Variants in LNX1 observed in about 807,000 individuals in gnomAD.
The protein encoded by LNX1 is ligand of numb-protein X 1, also known as E3 ubiquitin-protein ligase LNX.
A neutral mutation model predicts 68.4 loss-of-function variants in LNX1; 54 were observed. The observed-to-expected ratio is 0.79, with a 90% CI of 0.63 to 0.99. LNX1 has a LOEUF of 0.99. Ranked by LOEUF, LNX1 falls within the 50% of genes least tolerant of loss-of-function variation. LNX1 has a pLI of 0.00. For synonymous variants in LNX1, 336 were observed against 350.0 expected, an observed-to-expected ratio of 0.96 and a Z score of 0.45; for missense variants, 906 against 926.4, an observed-to-expected ratio of 0.98 and a Z score of 0.29.
At chr4:53,634,640 G>A (rs1300444791) in intron 1 of LNX1, among the ~76,000 whole-genome samples, 1 of 151,878 alleles carries the variant, frequency 6.6e-6, no homozygotes, top group Non-Finnish European at 1.5e-5. Flanking sequence ...TGGGGAATTG[G>A]CCAACCTACT....
At chr4:53,583,136 T>C (rs1731939437) in intron 1 of LNX1, among the ~76,000 whole-genome samples, 1 of 152,338 alleles carries the variant, frequency 6.6e-6, no homozygotes, top group South Asian at 2.1e-4. Context: ...GGATCGATAA[T>C]GTGCCATCAA....
rs1180752262 is a variant in LNX1 at position 53,460,076 on chromosome 4, TGTA to T, written c.*828_*830del. 2.0e-5 allele frequency: 4 copies of T among 199,452 alleles called. No individual in the cohort carries two copies. The East Asian group carries it at 3.1e-4, about 15-fold the overall frequency. 12.4% of individuals were successfully genotyped at this position (199,452 alleles called of 1,614,324 possible). ...AAATAAATTAATTAATTACCCATAG[TGTA>T]GTTTCTAGGAGGCATGTGTACACAC... is the stretch of plus-strand genomic sequence containing the variant. On this transcript the variant is annotated 3_prime_UTR_variant, in exon 11 of 11. Transcript: ENST00000263925.
At chr4:53,585,308 T>C (rs1226858279) in intron 1 of LNX1, among the ~76,000 whole-genome samples, 1 of 152,202 alleles carries the variant, frequency 6.6e-6, no homozygotes, top group Non-Finnish European at 1.5e-5. Context: ...AAGGTAGTGA[T>C]GATGGCTGCC....
At chr4:53,633,323 G>T (rs576396795) in intron 1 of LNX1, among the ~76,000 whole-genome samples, 4 of 152,194 alleles carry the variant, frequency 2.6e-5, no homozygotes, top group African/African-American at 9.6e-5. Context: ...TATCCTCTTT[G>T]GTCCCCCATG....
At chr4:53,564,182 A>C (rs1338376113) in intron 2 of LNX1, among the ~76,000 whole-genome samples, 1 of 152,192 alleles carries the variant, frequency 6.6e-6, no homozygotes, top group Non-Finnish European at 1.5e-5. Flanking sequence ...TCAAGCCTCT[A>C]TCTCAGGCTT....
At chr4:53,518,353 G>C (rs1017534179) in intron 2 of LNX1, among the ~76,000 whole-genome samples, 1 of 152,150 alleles carries the variant, frequency 6.6e-6, no homozygotes, top group African/African-American at 2.4e-5. Context: ...CAGGGTGAGA[G>C]GGAGGCAGGG....
rs533577578 is a variant in LNX1 at position 53,572,221 on chromosome 4, G to T, written c.380+1402C>A. ...TTCCCACCAACGTCTCCCATACCTG[G>T]GCAAAACTTTCAGCAAAAGTCACAA... On this transcript the variant is annotated intron_variant, in intron 2 of 10. Transcript: ENST00000263925. 3.9e-5 allele frequency among the ~76,000 whole-genome samples: 6 copies of T among 152,020 alleles called. No homozygotes were observed. The South Asian group carries it at 1.0e-3, about 26-fold the overall frequency.
intron 2 of LNX1, among the ~76,000 whole-genome samples, chr4:53,558,905 C>G (rs1333140232): frequency 2.0e-5 from 3 of 152,176 alleles, no homozygotes; most frequent in African/African-American, 7.2e-5. Context: ...GCTTTAAGAT[C>G]TGGGATTTGA....
chr4:53,508,650 C>T (rs972612745), intron 2 of LNX1, among the ~76,000 whole-genome samples: 1 of 152,158 alleles, frequency 6.6e-6, no homozygotes, highest in Non-Finnish European at 1.5e-5. Context: ...GAGCACTGAA[C>T]GTAAATATAA....
intron 2 of LNX1, among the ~76,000 whole-genome samples, chr4:53,564,375 C>T (rs1293491568): frequency 2.0e-5 from 3 of 152,192 alleles, no homozygotes; most frequent in South Asian, 2.1e-4. Context: ...CTCAGATCCA[C>T]ACACCATCTT....
chr4:53,519,130 C>T (rs1727019024), intron 2 of LNX1, among the ~76,000 whole-genome samples: 1 of 152,226 alleles, frequency 6.6e-6, no homozygotes, highest in African/African-American at 2.4e-5. Flanking sequence ...CACTGCCCCT[C>T]TTCCTCTCCA....
chr4:53,643,693 G>C (rs945479724), intron 1 of LNX1, among the ~76,000 whole-genome samples: 25 of 152,198 alleles, frequency 1.6e-4, no homozygotes, highest in African/African-American at 5.8e-4. Context: ...TAACAGACCT[G>C]TTTTCAAACC....
intron 1 of LNX1, among the ~76,000 whole-genome samples, chr4:53,578,517 GATCACCATCAT>G (rs1359903184): frequency 1.3e-5 from 2 of 152,156 alleles, no homozygotes; most frequent in Admixed American, 6.5e-5. Context: ...AATCTTATGG[GATCACCATCAT>G]ATGTGGAGTC....
chr4:53,588,839 C>T (rs1374712911), intron 1 of LNX1, among the ~76,000 whole-genome samples: 2 of 152,112 alleles, frequency 1.3e-5, no homozygotes, highest in Non-Finnish European at 2.9e-5. Context: ...CCCTGAAGGG[C>T]GAGACCCAGA....
intron 2 of LNX1, among the ~76,000 whole-genome samples, chr4:53,542,963 C>T (rs963952198): frequency 3.3e-5 from 5 of 152,164 alleles, no homozygotes; most frequent in African/African-American, 1.2e-4. Context: ...CTCAGGAATC[C>T]TGTGCTGTAG....
At chr4:53,476,579 G>T (rs1220233715) in intron 9 of LNX1, among the ~76,000 whole-genome samples, 174 bp downstream of exon 9, 5 of 152,168 alleles carry the variant, frequency 3.3e-5, no homozygotes, top group African/African-American at 1.2e-4. Flanking sequence ...TAGAATGTCC[G>T]CATGCATTTT....
intron 1 of LNX1, among the ~76,000 whole-genome samples, chr4:53,588,229 C>T (rs1196899575): frequency 1.3e-5 from 2 of 152,088 alleles, no homozygotes; most frequent in Non-Finnish European, 2.9e-5. Context: ...TATTAAGGAA[C>T]TTATTTAGGC....
At chr4:53,486,611 A>T (rs1256368111) in intron 6 of LNX1, among the ~76,000 whole-genome samples, 1 of 152,156 alleles carries the variant, frequency 6.6e-6, no homozygotes, top group Non-Finnish European at 1.5e-5. Context: ...TGAAAGAGAA[A>T]TGGGGAATAT....
chr4:53,581,643 C>T (rs1018580617), intron 1 of LNX1, among the ~76,000 whole-genome samples: 2 of 152,094 alleles, frequency 1.3e-5, no homozygotes, highest in African/African-American at 4.8e-5. Flanking sequence ...TTTATAAAAC[C>T]AACATATCTC....
Sources: gnomAD v4.1 joint callset for allele counts (sites outside exome capture counted in the v4.1 genomes callset) on GRCh38, gnomAD v4.1.1 for gene constraint, MANE v1.5 for transcripts, NCBI Gene and HGNC (gene_info 2026-07-23, HGNC 2026-07-21) for gene names.